Variants in MINAR1 observed in about 807,000 individuals in gnomAD.
MINAR1 encodes membrane integral NOTCH2 associated receptor 1.
In MINAR1, 40 loss-of-function variants were observed where a neutral mutation model predicts 65.1. The ratio of observed to expected loss-of-function variants is 0.61; its 90% CI spans 0.48 to 0.80. The LOEUF (loss-of-function observed/expected upper bound fraction) is 0.80. Among genes scored for constraint, MINAR1 ranks in the 30% least tolerant of loss-of-function variants. MINAR1 has a pLI of 0.00. For missense variants in MINAR1, 1,128 were observed against 1,148.0 expected, an observed-to-expected ratio of 0.98 and a Z score of 0.25; for synonymous variants, 482 against 449.1, an observed-to-expected ratio of 1.07 and a Z score of -0.93.
At position 79,434,274 on chromosome 15, in the gene MINAR1, T is replaced by C. The variant is rs1330104043; in HGVS notation, c.-51+1734T>C. The stretch of plus-strand genomic sequence containing the variant: ...TGTTATGTTCCTTTTGAATTTTAGA[T>C]ACATAATGCGATTTTTTTTCTGGCC... On this transcript the variant is annotated intron_variant, in intron 1 of 3. Coordinates refer to ENST00000305428, the MANE Select transcript of MINAR1 (RefSeq NM_015206.3). Among the ~76,000 whole-genome samples the C allele has an allele frequency of 5.3e-5, 8 of 152,338 alleles. No homozygotes were observed. In the East Asian group the frequency reaches 1.3e-3, roughly 26 times the overall value.
chr15:79,468,129 G>A (rs750907686), intron 3 of MINAR1, 58 bp from the exon 4 acceptor site: 17 of 1,423,560 alleles, frequency 1.2e-5, no homozygotes, highest in Non-Finnish European at 1.5e-5. Context: ...CTGTCGGGAC[G>A]TCTTTGACCT....
Position 79,456,516 on chromosome 15 carries a change from G to T in MINAR1, c.369G>T (p.Arg123Ser), listed in dbSNP as rs1164368604. The change falls in exon 2 of 4, where the codon AGG becomes AGT. Residue 123 changes from arginine (R) to serine (S), a missense_variant. Transcript: ENST00000305428. ...RKKEASFESCRSDTEICNAAE... is the reference protein window; with the variant it reads ...RKKEASFESCSSDTEICNAAE... ...AGGAGGCATCCTTTGAATCATGTAG[G>T]TCGGACACAGAGATCTGCAATGCAG... The T allele has an allele frequency of 2.5e-6, 4 of 1,614,026 alleles. No homozygotes were observed. The highest frequency in any genetic ancestry group is 3.4e-6 in the Non-Finnish European group (4 of 1,180,034).
chr15:79,458,096 C>G lies in MINAR1; in HGVS notation c.1949C>G (p.Thr650Arg), dbSNP rs977348268. The G allele has an allele frequency of 1.9e-6, 3 of 1,614,200 alleles. No homozygotes were observed. The highest frequency in any genetic ancestry group is 2.5e-6 in the Non-Finnish European group (3 of 1,180,044). ...GTGCAGATAGATCTGAACTCCTTGA[C>G]AAGCGAGGGTCCGTCTGATGACAGT... The part of the protein sequence containing the change: ...VSVQIDLNSL[T>R]SEGPSDDSAS... The change falls in exon 2 of 4, where the codon ACA becomes AGA. Residue 650 changes from threonine (T) to arginine (R), a missense_variant. By Grantham distance (71) the Thr-to-Arg change is moderately conservative. Coordinates refer to ENST00000305428, the MANE Select transcript of MINAR1 (RefSeq NM_015206.3).
At position 79,457,027 on chromosome 15, in the gene MINAR1, C is replaced by A; in HGVS notation, c.880C>A (p.Pro294Thr). Residue 294 changes from proline to threonine, a missense_variant, in exon 2 of 4, where the codon CCC becomes ACC. Transcript: ENST00000305428. ...CAGGGAACCCCAGAGTCGAAAGGAACCCCACAAGCCACCCTTCTTCAACCA... is the reference window on the plus strand; with the variant it reads ...CAGGGAACCCCAGAGTCGAAAGGAAACCCACAAGCCACCCTTCTTCAACCA... ...EHREPQSRKE[P>T]HKPPFFNHSF... 2 of 1,613,904 alleles carry A rather than the reference C, an allele frequency of 1.2e-6. No homozygotes were observed. The highest frequency in any genetic ancestry group is 2.2e-5 in the East Asian group (1 of 44,882).
Position 79,458,010 on chromosome 15 carries a change from C to T in MINAR1, c.1863C>T (p.Ser621=), listed in dbSNP as rs1895500172. ...ESLSGVRDEI[S]QVLGKLNKLD... ...TGTCGGGTGTCCGTGATGAAATCTC[C>T]CAGGTCTTGGGCAAACTAAATAAAT... is the stretch of plus-strand genomic sequence containing the variant. The change falls in exon 2 of 4, where the codon TCC becomes TCT. Residue 621 remains serine, a synonymous_variant. Transcript: ENST00000305428. The T allele has an allele frequency of 1.2e-6, 2 of 1,614,052 alleles. No homozygotes were observed. The highest frequency in any genetic ancestry group is 2.2e-5 in the South Asian group (2 of 91,078).
chr15:79,436,851 T>C (rs1223702040), intron 1 of MINAR1, among the ~76,000 whole-genome samples: 1 of 152,226 alleles, frequency 6.6e-6, no homozygotes, highest in Non-Finnish European at 1.5e-5. Context: ...AACTTCATAC[T>C]GCAAAAACTC....
intron 2 of MINAR1, among the ~76,000 whole-genome samples, chr15:79,461,888 A>C (rs549219116): frequency 6.6e-6 from 1 of 152,260 alleles, no homozygotes; most frequent in Admixed American, 6.5e-5. Flanking sequence ...CACACACTCC[A>C]GGTGTGCTTC....
At chr15:79,442,167 C>T (rs112175363) in intron 1 of MINAR1, among the ~76,000 whole-genome samples, 1 of 151,300 alleles carries the variant, frequency 6.6e-6, no homozygotes, top group Non-Finnish European at 1.5e-5. Context: ...TGTGGAAAAC[C>T]CTTTCACTAC....
chr15:79,419,056 A>G, the MINAR1 span: 1 of 152,244 alleles, frequency 6.6e-6, no homozygotes, highest in Non-Finnish European at 1.5e-5. Context: ...AAAGGAACAC[A>G]TCGACCCTAC....
chr15:79,425,777 A>T, the MINAR1 span: 1 of 152,532 alleles, frequency 6.6e-6, no homozygotes, highest in African/African-American at 2.4e-5. Flanking sequence ...GCCAGACACG[A>T]GAGAGCCGGG....
At chr15:79,440,869 C>T (rs191793125) in intron 1 of MINAR1, among the ~76,000 whole-genome samples, 17 of 152,264 alleles carry the variant, frequency 1.1e-4, no homozygotes, top group Admixed American at 3.3e-4. Context: ...TTTTCTATTT[C>T]GCTTATTATC....
the MINAR1 span, chr15:79,411,585 C>T: frequency 4.4e-6 from 3 of 686,824 alleles, no homozygotes; most frequent in Non-Finnish European, 5.3e-6. Context: ...AGCTGCTGCA[C>T]AGAGCTACCA....
intron 2 of MINAR1, among the ~76,000 whole-genome samples, chr15:79,460,187 C>T (rs1217961515): frequency 6.6e-6 from 1 of 152,182 alleles, no homozygotes; most frequent in Admixed American, 6.5e-5. Context: ...CCTCATTTCT[C>T]CTTCCTGGCT....
intron 1 of MINAR1, among the ~76,000 whole-genome samples, chr15:79,452,640 G>GTT (rs1567055298): frequency 2.0e-5 from 3 of 150,224 alleles, no homozygotes; most frequent in Non-Finnish European, 4.4e-5. Context: ...GTGTGTGTGT[G>GTT]GGTGTGTGTC....
chr15:79,434,003 G>A (rs112517713), intron 1 of MINAR1, among the ~76,000 whole-genome samples: 1,794 of 152,258 alleles, frequency 0.012, 39 homozygotes, highest in African/African-American at 0.041. Flanking sequence ...CTGCAGAGAG[G>A]GCAAACTTAG....
intron 1 of MINAR1, among the ~76,000 whole-genome samples, chr15:79,437,140 TA>T (rs1894624479): frequency 6.6e-6 from 1 of 152,190 alleles, no homozygotes; most frequent in African/African-American, 2.4e-5. Flanking sequence ...AACCAGTCAC[TA>T]GGAACTGAAA....
At chr15:79,440,276 G>C (rs113292995) in intron 1 of MINAR1, among the ~76,000 whole-genome samples, 1 of 152,142 alleles carries the variant, frequency 6.6e-6, no homozygotes, top group Non-Finnish European at 1.5e-5. Flanking sequence ...CTGGGGTTTG[G>C]CTTGAGTTTT....
intron 1 of MINAR1, among the ~76,000 whole-genome samples, chr15:79,455,286 A>G (rs1895375365): frequency 6.6e-6 from 1 of 152,218 alleles, no homozygotes; most frequent in African/African-American, 2.4e-5. Flanking sequence ...GTTTTCAAGA[A>G]TGCATAATTT....
Position 79,456,123 on chromosome 15 carries a change from CAGAG to C in MINAR1, c.-22_-19del. The C allele has an allele frequency of 6.2e-7, 1 of 1,601,960 alleles. No individual in the cohort carries two copies. Among genetic ancestry groups the C allele is most frequent in the Non-Finnish European group, 8.5e-7 (1 of 1,172,476 alleles). On this transcript the variant is annotated 5_prime_UTR_variant, in exon 2 of 4. Coordinates refer to ENST00000305428, the MANE Select transcript of MINAR1 (RefSeq NM_015206.3). ...AACTGACCTGAAGTTTCAGTGTAGT[CAGAG>C]AGCTCTTCAAGTAATAAATCATGGA...
Sources: gnomAD v4.1 joint callset for allele counts (sites outside exome capture counted in the v4.1 genomes callset) on GRCh38, gnomAD v4.1.1 for gene constraint, MANE v1.5 for transcripts, NCBI Gene and HGNC (gene_info 2026-07-23, HGNC 2026-07-21) for gene names.